CNTN5: variants seen among roughly 807,000 people sequenced by gnomAD.
The protein encoded by CNTN5 is contactin 5.
A neutral mutation model predicts 129.1 loss-of-function variants in CNTN5; 77 were observed. The observed-to-expected ratio is 0.60, with a 90% CI of 0.50 to 0.72. The LOEUF is 0.72. CNTN5 is among the 30% of genes least tolerant of loss of function. The pLI is 0.00. For synonymous variants in CNTN5, 509 were observed against 465.6 expected, an observed-to-expected ratio of 1.09 and a Z score of -1.20; for missense variants, 1,478 against 1,328.8, an observed-to-expected ratio of 1.11 and a Z score of -1.75.
At chr11:99,035,299 A>G (rs1863655969) in intron 1 of CNTN5, among the ~76,000 whole-genome samples, 2 of 150,320 alleles carry the variant, frequency 1.3e-5, no homozygotes, top group African/African-American at 4.9e-5. Context: ...CTTGGTGCAG[A>G]GCTGAGTTCA....
chr11:100,187,847 A>T (rs1022447748), intron 13 of CNTN5, among the ~76,000 whole-genome samples: 3 of 152,162 alleles, frequency 2.0e-5, no homozygotes, highest in African/African-American at 7.2e-5. Context: ...TAGAAGAAAA[A>T]CTAGGAAACA....
At chr11:99,778,839 T>C (rs1945214785) in intron 3 of CNTN5, among the ~76,000 whole-genome samples, 1 of 144,108 alleles carries the variant, frequency 6.9e-6, no homozygotes, top group Admixed American at 6.9e-5. Flanking sequence ...GAAATTAATA[T>C]CAACAATTTT....
chr11:99,506,845 A>G (rs1361088855), intron 2 of CNTN5, among the ~76,000 whole-genome samples: 1 of 152,190 alleles, frequency 6.6e-6, no homozygotes, highest in African/African-American at 2.4e-5. Flanking sequence ...AATAACCAAA[A>G]TGCCCAAAAT....
At chr11:99,588,310 C>G (rs1949869776) in intron 3 of CNTN5, among the ~76,000 whole-genome samples, 2 of 139,170 alleles carry the variant, frequency 1.4e-5, no homozygotes, top group South Asian at 2.4e-4. Context: ...CGCCACTGCA[C>G]TCCAGCCTGG....
chr11:99,114,902 T>C (rs1857971394), intron 1 of CNTN5, among the ~76,000 whole-genome samples: 1 of 152,216 alleles, frequency 6.6e-6, no homozygotes, highest in African/African-American at 2.4e-5. Context: ...CCTAGTGTGA[T>C]GCTATTCGGA....
intron 1 of CNTN5, among the ~76,000 whole-genome samples, chr11:99,067,345 G>T (rs578144993): frequency 6.6e-6 from 1 of 151,438 alleles, no homozygotes; most frequent in South Asian, 2.1e-4. Context: ...TCTTTAAAAC[G>T]CTATTGTTCT....
At chr11:99,654,836 T>C (rs1477245096) in intron 3 of CNTN5, among the ~76,000 whole-genome samples, 1 of 152,078 alleles carries the variant, frequency 6.6e-6, no homozygotes, top group Non-Finnish European at 1.5e-5. Flanking sequence ...GTAAACATAA[T>C]AGATTTGTTG....
At chr11:99,052,129 A>G (rs1419664532) in intron 1 of CNTN5, among the ~76,000 whole-genome samples, 1 of 151,792 alleles carries the variant, frequency 6.6e-6, no homozygotes, top group African/African-American at 2.4e-5. Context: ...TGACTGGGAG[A>G]TGTATGGTTA....
chr11:100,281,949 T>A (rs1234967349), intron 18 of CNTN5, among the ~76,000 whole-genome samples: 1 of 152,084 alleles, frequency 6.6e-6, no homozygotes, highest in Non-Finnish European at 1.5e-5. Context: ...TTTCAATCTC[T>A]TTGTTAAATT....
At chr11:99,774,795 C>G (rs982015521) in intron 3 of CNTN5, among the ~76,000 whole-genome samples, 1 of 152,044 alleles carries the variant, frequency 6.6e-6, no homozygotes, top group Non-Finnish European at 1.5e-5. Flanking sequence ...TCTTTTCTGG[C>G]TACCCATAAT....
chr11:99,372,421 A>C (rs1939879461), intron 2 of CNTN5, among the ~76,000 whole-genome samples: 1 of 152,228 alleles, frequency 6.6e-6, no homozygotes, highest in Non-Finnish European at 1.5e-5. Flanking sequence ...TGAATCACAA[A>C]GTGTAACTGA....
intron 3 of CNTN5, among the ~76,000 whole-genome samples, chr11:99,728,962 C>G (rs908368978): frequency 3.9e-5 from 6 of 152,136 alleles, no homozygotes; most frequent in Admixed American, 2.0e-4. Flanking sequence ...TCTTAATGAG[C>G]ATAGGTTCTT....
At chr11:99,579,366 G>A (rs1180000764) in intron 3 of CNTN5, among the ~76,000 whole-genome samples, 1 of 151,738 alleles carries the variant, frequency 6.6e-6, no homozygotes, top group Admixed American at 6.6e-5. Flanking sequence ...ATTCTGTGAA[G>A]AAAGTCATTG....
intron 1 of CNTN5, among the ~76,000 whole-genome samples, chr11:99,264,072 G>A (rs1322432825): frequency 6.6e-6 from 1 of 151,774 alleles, no homozygotes; most frequent in Non-Finnish European, 1.5e-5. Context: ...AAAAATATCA[G>A]TTACACACTT....
At chr11:99,908,757 T>G (rs547759511) in intron 6 of CNTN5, among the ~76,000 whole-genome samples, 1 of 152,124 alleles carries the variant, frequency 6.6e-6, no homozygotes, top group African/African-American at 2.4e-5. Context: ...AATATTTTTA[T>G]CACATTCTGT....
chr11:99,629,154 A>G (rs1168405794), intron 3 of CNTN5, among the ~76,000 whole-genome samples: 1 of 152,102 alleles, frequency 6.6e-6, no homozygotes, highest in Admixed American at 6.6e-5. Context: ...TATTACTGTT[A>G]GCATAGTAAG....
At chr11:99,506,954 C>T (rs1946646344) in intron 2 of CNTN5, among the ~76,000 whole-genome samples, 1 of 151,916 alleles carries the variant, frequency 6.6e-6, no homozygotes, top group Non-Finnish European at 1.5e-5. Context: ...TTGAAAAATG[C>T]TATTTTTATG....
chr11:99,363,566 G>A (rs1032756456), intron 2 of CNTN5, among the ~76,000 whole-genome samples: 1 of 152,052 alleles, frequency 6.6e-6, no homozygotes, highest in African/African-American at 2.4e-5. Context: ...TTGGGAACAT[G>A]ATGTTCTCTA....
intron 1 of CNTN5, among the ~76,000 whole-genome samples, chr11:99,115,914 T>C (rs1206553367): frequency 4.6e-5 from 7 of 152,130 alleles, no homozygotes; most frequent in Admixed American, 2.0e-4. Context: ...TAAGGGAAGA[T>C]TTTAGAATGA....
Sources: gnomAD v4.1 joint callset for allele counts (sites outside exome capture counted in the v4.1 genomes callset) on GRCh38, gnomAD v4.1.1 for gene constraint, MANE v1.5 for transcripts, NCBI Gene and HGNC (gene_info 2026-07-23, HGNC 2026-07-21) for gene names.